The following SLC35F4 variants were observed in gnomAD, a reference collection of about 807,000 sequenced individuals.
The protein encoded by SLC35F4 is solute carrier family 35 member F4, also known as chromosome 14 open reading frame 36.
A neutral mutation model predicts 44.2 loss-of-function variants in SLC35F4; 24 were observed. The ratio of observed to expected loss-of-function variants is 0.54; its 90% CI spans 0.39 to 0.76. The LOEUF (loss-of-function observed/expected upper bound fraction) is 0.76, where lower values mean the gene tolerates loss of function less well. Ranked by LOEUF, SLC35F4 falls within the 30% of genes least tolerant of loss-of-function variation. SLC35F4 has a pLI of 0.00. For missense variants in SLC35F4, 562 were observed against 586.1 expected (o/e 0.96, Z 0.42); for synonymous variants, 238 against 223.6 (o/e 1.06, Z -0.57).
At chr14:57,817,610 G>A (rs965445298) in intron 1 of SLC35F4, among the ~76,000 whole-genome samples, 10 of 152,062 alleles carry the variant, frequency 6.6e-5, no homozygotes, top group African/African-American at 2.4e-4. Flanking sequence ...CTGGAGAGTG[G>A]AGAATACATA....
upstream of SLC35F4, among the ~76,000 whole-genome samples, chr14:57,870,600 T>C (rs1262033943): frequency 6.6e-6 from 1 of 152,220 alleles, no homozygotes; most frequent in Non-Finnish European, 1.5e-5. Flanking sequence ...GAGCTTCAGT[T>C]TCCTCCTCTG....
Position 57,978,034 on chromosome 14 carries a change from G to A in SLC35F4, n.152-1077C>T, listed in dbSNP as rs72624754. On this transcript the variant is annotated intron_variant and non_coding_transcript_variant, in intron 1 of 1. Coordinates refer to the SLC35F4 transcript ENST00000554648. ...AAGAAAGTCTGGAGAAAGGGCATGT[G>A]AATAAACCCACAGAAGTATACAAAT... Among the ~76,000 whole-genome samples the A allele has an allele frequency of 0.017, 2,545 of 152,242 alleles. 297 individuals carry two copies. The East Asian group carries it at 0.33, about 20-fold the overall frequency.
intron 1 of SLC35F4, among the ~76,000 whole-genome samples, chr14:57,761,058 T>C (rs986363193): frequency 3.9e-5 from 6 of 152,150 alleles, no homozygotes; most frequent in Non-Finnish European, 7.4e-5. Flanking sequence ...GAGTCCCCTC[T>C]GCTTGTGCTG....
At chr14:57,571,826 T>G (rs725048) in intron 5 of SLC35F4, 68 bp downstream of exon 5, 423,603 of 1,541,972 alleles carry the variant, frequency 0.27, 59,658 homozygotes, top group Admixed American at 0.4. Flanking sequence ...ACATCGTACT[T>G]TCTTACTTTA....
At chr14:57,852,753 G>C (rs941170721) in intron 1 of SLC35F4, among the ~76,000 whole-genome samples, 1 of 152,166 alleles carries the variant, frequency 6.6e-6, no homozygotes, top group African/African-American at 2.4e-5. Context: ...CTGTCCTCTA[G>C]AATGCCTATA....
chr14:57,762,664 G>T (rs1005251084), intron 1 of SLC35F4, among the ~76,000 whole-genome samples: 1 of 152,110 alleles, frequency 6.6e-6, no homozygotes, highest in Non-Finnish European at 1.5e-5. Context: ...ATTATCATGG[G>T]AGTGGTTTAG....
At chr14:57,572,051 C>T in intron 4 of SLC35F4, 32 bp from the exon 5 acceptor site, 1 of 1,595,028 alleles carries the variant, frequency 6.3e-7, no homozygotes, top group Non-Finnish European at 8.6e-7. Flanking sequence ...AACAGAAAAG[C>T]AATGATCCCT....
At chr14:57,753,103 A>T (rs180989291) in intron 1 of SLC35F4, among the ~76,000 whole-genome samples, 10 of 152,330 alleles carry the variant, frequency 6.6e-5, no homozygotes, top group African/African-American at 2.4e-4. Context: ...AGGCACAGCC[A>T]CATGTTCATG....
chr14:57,958,564 A>G (rs1890284801), intron 1 of SLC35F4, among the ~76,000 whole-genome samples: 1 of 151,300 alleles, frequency 6.6e-6, no homozygotes, highest in African/African-American at 2.5e-5. Flanking sequence ...AAAGTGTTCT[A>G]GAATTAGGTG....
At chr14:57,844,840 A>C (rs1354065158) in intron 1 of SLC35F4, among the ~76,000 whole-genome samples, 1 of 152,074 alleles carries the variant, frequency 6.6e-6, no homozygotes, top group African/African-American at 2.4e-5. Context: ...GTCCATAGAA[A>C]ACTGTAAGAT....
chr14:57,705,509 C>T (rs2075650537), intron 1 of SLC35F4, among the ~76,000 whole-genome samples: 1 of 152,164 alleles, frequency 6.6e-6, no homozygotes, highest in African/African-American at 2.4e-5. Context: ...GGCTTTCTAA[C>T]TCTCTGACTT....
At chr14:57,877,548 T>C (rs918073655) in intron 1 of SLC35F4, among the ~76,000 whole-genome samples, 4 of 152,232 alleles carry the variant, frequency 2.6e-5, no homozygotes, top group Non-Finnish European at 4.4e-5. Context: ...ATGGTAGTTC[T>C]ATTTTAAGTT....
chr14:57,777,648 G>A (rs1289383287), intron 1 of SLC35F4, among the ~76,000 whole-genome samples: 5 of 152,012 alleles, frequency 3.3e-5, no homozygotes, highest in African/African-American at 1.2e-4. Flanking sequence ...GGGGCTGGGG[G>A]AGGGATAGCA....
At chr14:57,748,838 G>C (rs1276499637) in intron 1 of SLC35F4, among the ~76,000 whole-genome samples, 3 of 152,140 alleles carry the variant, frequency 2.0e-5, no homozygotes, top group East Asian at 1.9e-4. Context: ...GCTGCATATA[G>C]AGTCAACTAA....
chr14:57,976,246 T>C (rs1452237587), downstream of SLC35F4, among the ~76,000 whole-genome samples: 1 of 152,220 alleles, frequency 6.6e-6, no homozygotes, highest in Non-Finnish European at 1.5e-5. Flanking sequence ...AGGGCAATGA[T>C]ATACTGGGGA....
At chr14:57,703,374 G>A (rs1274309134) in intron 1 of SLC35F4, among the ~76,000 whole-genome samples, 1 of 152,170 alleles carries the variant, frequency 6.6e-6, no homozygotes, top group Non-Finnish European at 1.5e-5. Flanking sequence ...TGCAGTGCAT[G>A]GCTCTCAAAT....
chr14:57,966,278 T>G (rs894346431), intron 1 of SLC35F4, among the ~76,000 whole-genome samples: 2 of 152,152 alleles, frequency 1.3e-5, no homozygotes, highest in African/African-American at 4.8e-5. Context: ...TAACTTTTGT[T>G]CTCCTGCCTA....
intron 1 of SLC35F4, among the ~76,000 whole-genome samples, chr14:57,760,850 G>T (rs2077106807): frequency 6.6e-6 from 1 of 152,146 alleles, no homozygotes; most frequent in Non-Finnish European, 1.5e-5. Context: ...TTTCCAGGGC[G>T]CTGGGTAGTT....
chr14:57,570,931 T>C (rs555299605), intron 5 of SLC35F4, among the ~76,000 whole-genome samples: 4 of 152,274 alleles, frequency 2.6e-5, no homozygotes, highest in East Asian at 1.9e-4. Flanking sequence ...TGGATCTCAG[T>C]TGGGGAGCAA....
Sources: gnomAD v4.1 joint callset for allele counts (sites outside exome capture counted in the v4.1 genomes callset) on GRCh38, gnomAD v4.1.1 for gene constraint, MANE v1.5 for transcripts, NCBI Gene and HGNC (gene_info 2026-07-23, HGNC 2026-07-21) for gene names.